HAS2: variants seen among roughly 807,000 people sequenced by gnomAD.
HAS2 encodes the protein HA synthase 2.
A neutral mutation model predicts 51.6 loss-of-function variants in HAS2; 16 were observed. The observed-to-expected ratio is 0.31, with a 90% confidence interval of 0.21 to 0.47. The LOEUF is 0.47. Among genes scored for constraint, HAS2 ranks in the 20% least tolerant of loss-of-function variants. The pLI, the probability that HAS2 is intolerant of heterozygous loss-of-function variation, is 1.00. For missense variants in HAS2, 361 were observed against 662.6 expected, an observed-to-expected ratio of 0.54 and a Z score of 5.00; for synonymous variants, 228 against 235.5, an observed-to-expected ratio of 0.97 and a Z score of 0.29.
Position 121,628,734 on chromosome 8 carries a change from G to T in HAS2, c.607C>A (p.Arg203=), listed in dbSNP as rs773816788. The change falls in exon 2 of 4, where the codon CGA becomes AGA. Residue 203 remains arginine, a synonymous_variant. Transcript: ENST00000303924. ...VMYTAFRALG[R]SVDYVQVCDS... is the part of the protein sequence containing the mutation. ...CCTACCTGTACATAATCCACACTTC[G>T]TCCCAGTGCTCTGAAGGCTGTGTAC... The T allele has an allele frequency of 6.2e-7, 1 of 1,613,844 alleles. No individual in the cohort carries two copies. The highest frequency in any genetic ancestry group is 8.5e-7 in the Non-Finnish European group (1 of 1,179,824).
In HAS2 at chr8:121,641,199, C is replaced by CTTTTTTTTTTA; in HGVS notation, c.-348_-347insTAAAAAAAAAA. The CTTTTTTTTTTA allele has an allele frequency of 1.0e-5, 1 of 96,618 alleles. No individual in the cohort carries two copies. The highest frequency in any genetic ancestry group is 2.0e-5 in the Non-Finnish European group (1 of 48,982). The allele number at this position is 96,618 out of a possible 1,614,324, so 6.0% of individuals were successfully genotyped here. On this transcript the variant is annotated 5_prime_UTR_variant, in exon 1 of 4. Transcript: ENST00000303924. ...TTTTTTTGGGCTTCAGTCTTTCTGC[C>CTTTTTTTTTTA]CCCGATAACAGAAAATCTCTTTTTC...
intron 2 of HAS2, among the ~76,000 whole-genome samples, chr8:121,621,543 C>A (rs1443484677): frequency 6.6e-6 from 1 of 152,170 alleles, no homozygotes; most frequent in East Asian, 1.9e-4. Flanking sequence ...AGTAAACCCA[C>A]ACCTAAAGGA....
chr8:121,635,568 C>G (rs1812997292), intron 1 of HAS2, among the ~76,000 whole-genome samples: 1 of 152,164 alleles, frequency 6.6e-6, no homozygotes, highest in African/African-American at 2.4e-5. Context: ...CTGGCTCAGA[C>G]AAACCGCTTG....
At chr8:121,624,319 G>C (rs1228361304) in intron 2 of HAS2, among the ~76,000 whole-genome samples, 1 of 152,150 alleles carries the variant, frequency 6.6e-6, no homozygotes, top group Non-Finnish European at 1.5e-5. Context: ...GAGGATAATT[G>C]TTTACAGTAT....
chr8:121,640,552 C>T (rs142361078), intron 1 of HAS2, among the ~76,000 whole-genome samples: 243 of 152,002 alleles, frequency 1.6e-3, no homozygotes, highest in African/African-American at 4.8e-3. Flanking sequence ...CCGGAAGATG[C>T]AAAATGGAAA....
intron 1 of HAS2, among the ~76,000 whole-genome samples, chr8:121,630,136 A>T (rs190100714): frequency 9.0e-4 from 137 of 152,282 alleles, no homozygotes; most frequent in Admixed American, 1.6e-3. Context: ...CATCATGAAT[A>T]CTAGATGATT....
At chr8:121,622,610 G>A (rs1297750668) in intron 2 of HAS2, among the ~76,000 whole-genome samples, 2 of 149,208 alleles carry the variant, frequency 1.3e-5, no homozygotes, top group African/African-American at 2.5e-5. Flanking sequence ...AGATTTGGGG[G>A]AAACAAAACA....
At chr8:121,625,254 ATTTG>A (rs1210224767) in intron 2 of HAS2, among the ~76,000 whole-genome samples, 1 of 152,112 alleles carries the variant, frequency 6.6e-6, no homozygotes, top group South Asian at 2.1e-4. Flanking sequence ...TCAGTTGGGT[ATTTG>A]TTTAAGATAA....
intron 2 of HAS2, among the ~76,000 whole-genome samples, chr8:121,623,004 C>T (rs764966882): frequency 4.6e-5 from 7 of 150,846 alleles, no homozygotes; most frequent in East Asian, 1.9e-4. Flanking sequence ...GCGAAAGGAA[C>T]GGGGGATGGG....
intron 2 of HAS2, among the ~76,000 whole-genome samples, chr8:121,621,386 C>T (rs1321687849): frequency 6.6e-6 from 1 of 152,194 alleles, no homozygotes; most frequent in Non-Finnish European, 1.5e-5. Flanking sequence ...TAACTTACTA[C>T]TTCTATAACC....
At chr8:121,626,253 G>A (rs904331986) in intron 2 of HAS2, among the ~76,000 whole-genome samples, 4 of 152,218 alleles carry the variant, frequency 2.6e-5, no homozygotes. Flanking sequence ...AAGGTCATCT[G>A]TTAGTAGTTA....
At chr8:121,635,626 C>A (rs1194367116) in intron 1 of HAS2, among the ~76,000 whole-genome samples, 1 of 152,222 alleles carries the variant, frequency 6.6e-6, no homozygotes, top group Non-Finnish European at 1.5e-5. Context: ...CAATTAATAT[C>A]TTTGAACTTA....
intron 2 of HAS2, among the ~76,000 whole-genome samples, 184 bp downstream of exon 2, chr8:121,628,530 A>C (rs1246093394): frequency 1.3e-5 from 2 of 151,694 alleles, no homozygotes; most frequent in African/African-American, 4.9e-5. Context: ...TAGTCTCAAC[A>C]GTTTTACAAG....
chr8:121,632,313 A>G (rs549915296), intron 1 of HAS2, among the ~76,000 whole-genome samples: 1 of 152,292 alleles, frequency 6.6e-6, no homozygotes, highest in Admixed American at 6.5e-5. Flanking sequence ...ACAATCCCCA[A>G]TTCAAATACT....
chr8:121,637,970 G>A (rs1266151343), intron 1 of HAS2, among the ~76,000 whole-genome samples: 2 of 152,216 alleles, frequency 1.3e-5, no homozygotes, highest in Non-Finnish European at 2.9e-5. Context: ...CAGAAAGCTA[G>A]TAATGTAACA....
chr8:121,632,447 C>T (rs4437656), intron 1 of HAS2, among the ~76,000 whole-genome samples: 34,643 of 152,036 alleles, frequency 0.23, 4,159 homozygotes, highest in Middle Eastern at 0.32. Flanking sequence ...TTGAAATCTA[C>T]ACTCTCTAAA....
rs1211439121 is a variant in HAS2, at chr8:121,628,873, A to G, written c.468T>C (p.Gly156=). The G allele has an allele frequency of 6.2e-7, 1 of 1,613,824 alleles. No homozygotes were observed. The highest frequency in any genetic ancestry group is 8.5e-7 in the Non-Finnish European group (1 of 1,179,958). The change falls in exon 2 of 4, where the codon GGT becomes GGC. Residue 156 remains glycine, a synonymous_variant. Coordinates refer to ENST00000303924, the MANE Select transcript of HAS2 (RefSeq NM_005328.3). ...TATGTGACTCATCTGTCTCACCGGG[A>G]CCCTTTTCGTGGAAGTTGTTCTTCC... ...YIWKNNFHEK[G]PGETDESHKE...
intron 1 of HAS2, among the ~76,000 whole-genome samples, chr8:121,632,363 G>A (rs1164118762): frequency 6.6e-6 from 1 of 152,140 alleles, no homozygotes; most frequent in Non-Finnish European, 1.5e-5. Context: ...ACATATGACT[G>A]TATAGTTAAA....
chr8:121,633,217 C>T (rs1236000868), intron 1 of HAS2, among the ~76,000 whole-genome samples: 2 of 145,230 alleles, frequency 1.4e-5, no homozygotes, highest in African/African-American at 2.6e-5. Context: ...GCAGTCTTGG[C>T]TCACTGTAAC....
Sources: allele counts gnomAD v4.1 joint callset (sites outside exome capture counted in the v4.1 genomes callset), GRCh38; gene constraint gnomAD v4.1.1; transcripts MANE v1.5; gene names NCBI Gene and HGNC (gene_info 2026-07-23, HGNC 2026-07-21).